ARSG: variants seen among roughly 807,000 people sequenced by gnomAD.
The protein encoded by ARSG is arylsulfatase G.
A neutral mutation model predicts 50.5 loss-of-function variants in ARSG; 37 were observed. The ratio of observed to expected loss-of-function variants is 0.73; its 90% CI spans 0.56 to 0.96. ARSG has a LOEUF of 0.96. Among genes scored for constraint, ARSG ranks in the 50% least tolerant of loss-of-function variants. The pLI is 0.00. For missense variants in ARSG, 629 were observed against 675.3 expected, an observed-to-expected ratio of 0.93 and a Z score of 0.76; for synonymous variants, 225 against 254.6, an observed-to-expected ratio of 0.88 and a Z score of 1.11.
rs918043362 is a variant in ARSG at position 68,341,702 on chromosome 17, A to C, written c.219-1902A>C. ...TACATTTGCTCACGTCTTGTCACTC[A>C]ATGTCTTGTTTCTGCATGTTCCTTG... On this transcript the variant is annotated intron_variant, in intron 2 of 11. Transcript: ENST00000621439. Among the ~76,000 whole-genome samples, 9 of 152,152 alleles carry C rather than the reference A, an allele frequency of 5.9e-5. No homozygotes were observed. The East Asian group carries it at 1.7e-3, about 29-fold the overall frequency.
Position 68,347,122 on chromosome 17 carries a change from CA to C in ARSG, c.407-2del. Reference sequence around the variant, plus strand: ...TGAAAATCTCTCTTATGTTTTTCTACAGGCAAATGGCATCTTGGACACCACG... The same window carrying C: ...TGAAAATCTCTCTTATGTTTTTCTACGGCAAATGGCATCTTGGACACCACG... On this transcript the variant is annotated splice_acceptor_variant, in intron 3 of 11. Transcript: ENST00000621439. LOFTEE classifies it high-confidence loss of function. 1 of 1,613,972 alleles carries C rather than the reference CA, an allele frequency of 6.2e-7. No individual in the cohort carries two copies. The highest frequency in any genetic ancestry group is 8.5e-7 in the Non-Finnish European group (1 of 1,179,888).
intron 6 of ARSG, among the ~76,000 whole-genome samples, chr17:68,366,915 C>T (rs2079576005): frequency 6.6e-6 from 1 of 152,094 alleles, no homozygotes; most frequent in South Asian, 2.1e-4. Context: ...CCGCAGTGCC[C>T]CGCCACTCAC....
intron 6 of ARSG, among the ~76,000 whole-genome samples, chr17:68,361,815 G>C (rs771010285): frequency 5.3e-5 from 8 of 152,154 alleles, no homozygotes; most frequent in African/African-American, 1.2e-4. Flanking sequence ...TACTTGAGAG[G>C]CTGAGGTAGG....
At chr17:68,287,338 T>G (rs1478851997), upstream of ARSG, among the ~76,000 whole-genome samples, 1 of 151,956 alleles carries the variant, frequency 6.6e-6, no homozygotes, top group Non-Finnish European at 1.5e-5. Flanking sequence ...CTTTTTTTTT[T>G]TAATAGAGAC....
intron 11 of ARSG, among the ~76,000 whole-genome samples, chr17:68,406,078 C>G (rs114015645): frequency 0.017 from 2,571 of 152,244 alleles, 81 homozygotes; most frequent in African/African-American, 0.059. Context: ...TCCACTGTGT[C>G]ATTCTTATGC....
chr17:68,403,236 C>G (rs2147253140), intron 11 of ARSG, among the ~76,000 whole-genome samples: 1 of 152,288 alleles, frequency 6.6e-6, no homozygotes, highest in Non-Finnish European at 1.5e-5. Flanking sequence ...AGGTATGGGA[C>G]CTCCAGGCTG....
chr17:68,350,786 AAAAATAAAAT>A (rs139213419), intron 4 of ARSG, among the ~76,000 whole-genome samples: 82 of 150,378 alleles, frequency 5.5e-4, no homozygotes, highest in African/African-American at 1.9e-3. Context: ...CTCCGTCTCA[AAAAATAAAAT>A]AAAATAAAAT....
chr17:68,354,000 C>A (rs530552364), intron 5 of ARSG, among the ~76,000 whole-genome samples: 91 of 150,458 alleles, frequency 6.0e-4, no homozygotes, highest in Non-Finnish European at 1.2e-3. Context: ...CTGCACCTGG[C>A]CTTCTTTTTC....
chr17:68,286,277 G>A (rs901618292), intron 1 of ARSG, among the ~76,000 whole-genome samples: 4 of 152,156 alleles, frequency 2.6e-5, no homozygotes. Context: ...AAAAGGGATG[G>A]GGCTAGGATG....
chr17:68,312,455 G>T (rs2076900950), intron 2 of ARSG, among the ~76,000 whole-genome samples: 1 of 152,036 alleles, frequency 6.6e-6, no homozygotes, highest in Non-Finnish European at 1.5e-5. Context: ...TGTTTAGCAG[G>T]TTAGCGGGGA....
rs1201821374 is a variant in ARSG at position 68,273,883 on chromosome 17, A to C, written c.-552+14457A>C. On this transcript the variant is annotated intron_variant, in intron 1 of 11. Transcript: ENST00000448504. ...CCTCCTTCCCCTTCCTTGTTCTTCAAACTAAGTGTCTAGACAACTTCTGAG... is the reference window on the plus strand; with the variant it reads ...CCTCCTTCCCCTTCCTTGTTCTTCACACTAAGTGTCTAGACAACTTCTGAG... 5 of 1,596,068 alleles carry C rather than the reference A, an allele frequency of 3.1e-6. No homozygotes were observed. In the African/African-American group the frequency reaches 4.0e-5, roughly 13 times the overall value.
downstream of ARSG, chr17:68,426,254 G>GGGGGA: frequency 1.2e-6 from 1 of 816,924 alleles, no homozygotes; most frequent in Non-Finnish European, 1.9e-6. Context: ...GGGAGCGGGG[G>GGGGGA]CTCAAATAAA....
intron 1 of ARSG, among the ~76,000 whole-genome samples, chr17:68,265,695 G>A (rs2075144992): frequency 7.1e-6 from 1 of 140,888 alleles, no homozygotes; most frequent in Non-Finnish European, 1.5e-5. Flanking sequence ...TGGTCCACAG[G>A]CCAAATCCAG....
In ARSG at chr17:68,420,559, GT is replaced by G; in HGVS notation, c.*99del. 1 of 1,397,752 alleles carries G rather than the reference GT, an allele frequency of 7.2e-7. No homozygotes were observed. The allele number at this position is 1,397,752 out of a possible 1,614,324, so 86.6% of individuals were successfully genotyped here. ...ACCCTCTTTACAAACACACGCTTTA[GT>G]TTAGTCTTGGAGTTTAGTTTTGGAG... On this transcript the variant is annotated 3_prime_UTR_variant, in exon 12 of 12. Transcript: ENST00000621439.
chr17:68,323,489 G>A (rs2077376469), intron 2 of ARSG, among the ~76,000 whole-genome samples: 1 of 152,104 alleles, frequency 6.6e-6, no homozygotes, highest in Admixed American at 6.5e-5. Flanking sequence ...GGCTCAAGCA[G>A]TCCTTCCACT....
downstream of ARSG, chr17:68,422,731 C>CAAAAAAAAA (rs71142175): frequency 1.5e-5 from 1 of 66,432 alleles, no homozygotes; most frequent in Admixed American, 2.1e-4. Context: ...TCTATCATCT[C>CAAAAAAAAA]AAAAAAAAAA....
chr17:68,309,836 G>T (rs2076775935), intron 2 of ARSG, among the ~76,000 whole-genome samples: 1 of 151,290 alleles, frequency 6.6e-6, no homozygotes, highest in South Asian at 2.1e-4. Context: ...TCCAGCCTGG[G>T]CAATAAGAGT....
At chr17:68,427,448 CT>C, downstream of ARSG, 1 of 405,166 alleles carries the variant, frequency 2.5e-6, no homozygotes, top group Non-Finnish European at 4.5e-6. Context: ...CCTCCGCCTC[CT>C]GGGTTCAAGC....
intron 6 of ARSG, among the ~76,000 whole-genome samples, chr17:68,361,302 A>G (rs557923110): frequency 1.3e-5 from 2 of 152,294 alleles, no homozygotes; most frequent in South Asian, 2.1e-4. Context: ...AAAAGAAGAG[A>G]AAGAGACTCT....
Sources: gnomAD v4.1 joint callset for allele counts (sites outside exome capture counted in the v4.1 genomes callset) on GRCh38, gnomAD v4.1.1 for gene constraint, MANE v1.5 for transcripts, NCBI Gene and HGNC (gene_info 2026-07-23, HGNC 2026-07-21) for gene names.